FRMD5: variants seen among roughly 807,000 people sequenced by gnomAD.
The protein encoded by FRMD5 is FERM domain-containing protein 5.
Under a neutral mutation model 69.0 loss-of-function variants are expected in FRMD5, and 20 were observed. The observed-to-expected ratio is 0.29, with a 90% CI of 0.20 to 0.42. FRMD5 has a LOEUF of 0.42. FRMD5 is among the 10% of genes least tolerant of loss of function. The pLI, the probability that FRMD5 is intolerant of heterozygous loss-of-function variation, is 1.00. For synonymous variants in FRMD5, 271 were observed against 260.1 expected, an observed-to-expected ratio of 1.04 and a Z score of -0.40; for missense variants, 595 against 708.6, an observed-to-expected ratio of 0.84 and a Z score of 1.82.
chr15:43,885,350 A>G (rs2088637392), intron 11 of FRMD5, among the ~76,000 whole-genome samples: 1 of 151,886 alleles, frequency 6.6e-6, no homozygotes, highest in Non-Finnish European at 1.5e-5. Flanking sequence ...TTTTTTTTGT[A>G]TTTTTAGTAG....
At chr15:43,978,372 T>TC (rs2090497045) in intron 1 of FRMD5, among the ~76,000 whole-genome samples, 1 of 152,196 alleles carries the variant, frequency 6.6e-6, no homozygotes, top group Admixed American at 6.5e-5. Flanking sequence ...ACTAGAACTC[T>TC]CATACATTGC....
intron 1 of FRMD5, among the ~76,000 whole-genome samples, chr15:43,967,245 A>G (rs369702080): frequency 6.8e-6 from 1 of 147,336 alleles, no homozygotes; most frequent in South Asian, 2.1e-4. Flanking sequence ...ATATATATAT[A>G]TGTTTGGGAT....
chr15:44,194,814 G>A (rs888354115), intron 1 of FRMD5, 139 bp downstream of exon 1: 62 of 780,482 alleles, frequency 7.9e-5, no homozygotes, highest in Non-Finnish European at 1.2e-4. Flanking sequence ...GCACTAGGGC[G>A]GTCCGCCGCA....
At chr15:43,940,379 A>G (rs1011927039) in intron 1 of FRMD5, among the ~76,000 whole-genome samples, 3 of 152,142 alleles carry the variant, frequency 2.0e-5, no homozygotes, top group East Asian at 1.9e-4. Context: ...AAATGATAGA[A>G]TGATTCCCTT....
chr15:43,956,112 T>G (rs746215697), intron 1 of FRMD5, among the ~76,000 whole-genome samples: 12 of 152,218 alleles, frequency 7.9e-5, no homozygotes, highest in Non-Finnish European at 1.3e-4. Flanking sequence ...TCCAGCCTAA[T>G]GCTTGGTTTT....
At chr15:43,938,566 G>C (rs1775345005) in intron 1 of FRMD5, among the ~76,000 whole-genome samples, 1 of 152,086 alleles carries the variant, frequency 6.6e-6, no homozygotes, top group South Asian at 2.1e-4. Context: ...TTATAAATTG[G>C]TAGCTATGCA....
chr15:44,088,833 C>T (rs1894312157), intron 1 of FRMD5, among the ~76,000 whole-genome samples: 1 of 152,160 alleles, frequency 6.6e-6, no homozygotes, highest in African/African-American at 2.4e-5. Flanking sequence ...CAAAGGCACA[C>T]AGCCAGTGAT....
At chr15:43,907,135 G>A (rs1193940174) in intron 5 of FRMD5, among the ~76,000 whole-genome samples, 1 of 152,204 alleles carries the variant, frequency 6.6e-6, no homozygotes, top group Non-Finnish European at 1.5e-5. Flanking sequence ...GGAGGGGCCA[G>A]CTACTCTGTG....
chr15:43,964,173 A>C (rs1379384893), intron 1 of FRMD5, among the ~76,000 whole-genome samples: 1 of 152,156 alleles, frequency 6.6e-6, no homozygotes, highest in Non-Finnish European at 1.5e-5. Flanking sequence ...CTGGGTATAG[A>C]TCAACTTTAA....
At chr15:44,120,238 A>T (rs146023332) in intron 1 of FRMD5, among the ~76,000 whole-genome samples, 1 of 152,304 alleles carries the variant, frequency 6.6e-6, no homozygotes, top group African/African-American at 2.4e-5. Context: ...CTCTGGAATC[A>T]CTTTGCCAGA....
chr15:43,884,702 T>G, intron 12 of FRMD5, 25 bp downstream of exon 12: 1 of 1,608,416 alleles, frequency 6.2e-7, no homozygotes. Context: ...TACAACTGTT[T>G]GGGGGGAAGC....
At chr15:44,071,581 A>G (rs147295109) in intron 1 of FRMD5, among the ~76,000 whole-genome samples, 1 of 152,218 alleles carries the variant, frequency 6.6e-6, no homozygotes, top group African/African-American at 2.4e-5. Flanking sequence ...GTGAGCTTAC[A>G]GCTAATTATA....
At chr15:44,182,807 AT>A (rs2078028853) in intron 1 of FRMD5, among the ~76,000 whole-genome samples, 1 of 149,874 alleles carries the variant, frequency 6.7e-6, no homozygotes, top group African/African-American at 2.5e-5. Flanking sequence ...TTCACATTTC[AT>A]TTTTTGAGAC....
intron 5 of FRMD5, among the ~76,000 whole-genome samples, chr15:43,908,828 A>G (rs1031209758): frequency 2.0e-5 from 3 of 152,182 alleles, no homozygotes; most frequent in Admixed American, 2.0e-4. Flanking sequence ...TGTTACTTGG[A>G]AACACTTTCA....
chr15:44,149,772 A>G (rs945171988), intron 1 of FRMD5, among the ~76,000 whole-genome samples: 5 of 152,202 alleles, frequency 3.3e-5, no homozygotes, highest in African/African-American at 9.6e-5. Flanking sequence ...AAGAAATGAA[A>G]GGAGGTAGAG....
intron 5 of FRMD5, among the ~76,000 whole-genome samples, chr15:43,909,479 T>G (rs559993564): frequency 6.6e-6 from 1 of 151,434 alleles, no homozygotes; most frequent in Admixed American, 6.6e-5. Flanking sequence ...TGTTTGTTTG[T>G]TTATGTATTT....
chr15:44,060,413 T>C (rs1387304817), intron 1 of FRMD5, among the ~76,000 whole-genome samples: 1 of 152,136 alleles, frequency 6.6e-6, no homozygotes, highest in Non-Finnish European at 1.5e-5. Context: ...AATTAAATCA[T>C]TCAGCTTCAT....
At chr15:44,091,718 C>CT (rs575689153) in intron 1 of FRMD5, among the ~76,000 whole-genome samples, 1 of 151,790 alleles carries the variant, frequency 6.6e-6, no homozygotes, top group Non-Finnish European at 1.5e-5. Context: ...TTTCCACAAA[C>CT]TTTTTTTTAT....
intron 1 of FRMD5, among the ~76,000 whole-genome samples, chr15:44,011,877 G>C (rs545613499): frequency 6.6e-6 from 1 of 152,258 alleles, no homozygotes; most frequent in East Asian, 1.9e-4. Context: ...TGGGGCTTGA[G>C]AAAAATGCCA....
Sources: allele counts gnomAD v4.1 joint callset (sites outside exome capture counted in the v4.1 genomes callset), GRCh38; gene constraint gnomAD v4.1.1; transcripts MANE v1.5; gene names NCBI Gene and HGNC (gene_info 2026-07-23, HGNC 2026-07-21).